Variants in ATAD2 observed in about 807,000 individuals in gnomAD.
ATAD2 encodes ATPase family AAA domain containing 2.
ATAD2 carries 62 observed loss-of-function variants against 168.9 expected under a neutral mutation model. That is an observed-to-expected ratio of 0.37 (90% confidence interval 0.30 to 0.45). The LOEUF is 0.45. Among genes scored for constraint, ATAD2 ranks in the 20% least tolerant of loss-of-function variants. The pLI is 1.00. For missense variants in ATAD2, 1,419 were observed against 1,667.8 expected, an observed-to-expected ratio of 0.85 and a Z score of 2.60; for synonymous variants, 613 against 571.6, an observed-to-expected ratio of 1.07 and a Z score of -1.03.
intron 7 of ATAD2, 30 bp from the exon 8 acceptor site, chr8:123,369,205 G>GTA (rs5894661): frequency 0.032 from 19,238 of 610,714 alleles, 203 homozygotes; most frequent in African/African-American, 0.11. Context: ...ATATATATTT[G>GTA]TATATATATA....
At chr8:123,342,389 AT>A (rs1025640490) in intron 19 of ATAD2, 9 of 152,210 alleles carry the variant, frequency 5.9e-5, no homozygotes, top group African/African-American at 2.2e-4. Flanking sequence ...TGGGAAATGA[AT>A]GGAGATTAAG....
chr8:123,336,661 T>G (rs1336934473), intron 21 of ATAD2, 129 bp from the exon 22 acceptor site: 1 of 701,090 alleles, frequency 1.4e-6, no homozygotes, highest in African/African-American at 1.9e-5. Context: ...ATATTTAACA[T>G]AAAACCTTTC....
chr8:123,399,852 C>A (rs1190967831), upstream of ATAD2, among the ~76,000 whole-genome samples: 1 of 147,794 alleles, frequency 6.8e-6, no homozygotes, highest in Non-Finnish European at 1.5e-5. Flanking sequence ...GAAACTCCAT[C>A]TCAAAAAAAG....
chr8:123,371,739 C>T lies in ATAD2; in HGVS notation c.467G>A (p.Arg156Gln), dbSNP rs1829155392. 3.7e-6 allele frequency: 6 copies of T among 1,613,498 alleles called. No individual in the cohort carries two copies. The highest frequency in any genetic ancestry group is 1.7e-5 in the Admixed American group (1 of 59,878). ...ATAACGACTTCTAATCCTACAACTT[C>T]GACGCACTTCAACATCACCATTATC... ...HEDNGDVEVR[R>Q]SCRIRSRYSG... The change falls in exon 4 of 28, where the codon CGA becomes CAA. Residue 156 changes from arginine to glutamine, a missense_variant. Physicochemically the swap from Arg to Gln is conservative, Grantham distance 43. Around this residue, in one of 5 missense-constraint regions of ATAD2, gnomAD observed 419 missense variants for 423.5 expected, o/e 0.99. Transcript: ENST00000287394.
rs1287630744 is a variant in ATAD2 at position 123,327,291 on chromosome 8, C to A, written c.3868+899G>T. Among the ~76,000 whole-genome samples the A allele has an allele frequency of 2.0e-5, 3 of 152,092 alleles. No homozygotes were observed. In the East Asian group the frequency reaches 5.8e-4, roughly 29 times the overall value. Reference sequence around the variant, plus strand: ...GACTTCCTGATATCGAAGCAAGTACCTGTACTGCTAAATAGTATTCTTTTT... The same window carrying A: ...GACTTCCTGATATCGAAGCAAGTACATGTACTGCTAAATAGTATTCTTTTT... On this transcript the variant is annotated intron_variant, in intron 25 of 27. Transcript: ENST00000287394.
In ATAD2 at chr8:123,344,994, C is replaced by A. The variant is rs747520069; in HGVS notation, c.2608G>T (p.Gly870Ter). 6.2e-7 allele frequency: 1 copy of A among 1,613,840 alleles called. No individual in the cohort carries two copies. Among genetic ancestry groups the A allele is most frequent in the Non-Finnish European group, 8.5e-7 (1 of 1,179,910 alleles). ...GTAAATGTGGCTTTAAGTGTCGGTC[C>A]AACTATTTCCCACCACACGTGGATA... Reference protein sequence around the residue: ...PHIHVWWEIVGPTLKATFTTL... With the variant: ...PHIHVWWEIV The change falls in exon 19 of 28, where the codon GGA becomes TGA. Residue 870 changes from glycine (G) to a stop codon, truncating the protein, a stop_gained. Coordinates refer to ENST00000287394, the MANE Select transcript of ATAD2 (RefSeq NM_014109.4). LOFTEE classifies it high-confidence loss of function.
chr8:123,346,942 T>C, intron 16 of ATAD2, 150 bp downstream of exon 16: 2 of 1,070,094 alleles, frequency 1.9e-6, no homozygotes, highest in South Asian at 3.5e-5. Flanking sequence ...GGGCAATCCA[T>C]GGAGTAAATT....
chr8:123,354,272 A>T (rs2131348905), intron 13 of ATAD2, among the ~76,000 whole-genome samples: 1 of 152,362 alleles, frequency 6.6e-6, no homozygotes, highest in South Asian at 2.1e-4. Flanking sequence ...ACTAAAATTA[A>T]GTGCAGAATA....
chr8:123,389,148 T>TG lies in ATAD2; in HGVS notation c.171+7038_171+7039insC, dbSNP rs1249613941. Among the ~76,000 whole-genome samples, 421 of 147,980 alleles carry TG rather than the reference T, an allele frequency of 2.8e-3. 3 individuals carry two copies. Among genetic ancestry groups the TG allele is most frequent in the African/African-American group, 9.0e-3 (364 of 40,618 alleles). ...CGCCCGGCTAATTTTTTTTTTTTTT[T>TG]TGTATTTTTAGTAGAAATGTGGTTT... On this transcript the variant is annotated intron_variant, in intron 1 of 27. Coordinates refer to ENST00000287394, the MANE Select transcript of ATAD2 (RefSeq NM_014109.4).
At chr8:123,343,942 G>A (rs1325090759) in intron 19 of ATAD2, among the ~76,000 whole-genome samples, 2 of 152,294 alleles carry the variant, frequency 1.3e-5, no homozygotes, top group Admixed American at 1.3e-4. Context: ...CCAGGCAGAA[G>A]CAGTATGGCC....
chr8:123,346,480 G>C (rs1001836744), intron 17 of ATAD2, 138 bp downstream of exon 17: 11 of 1,058,322 alleles, frequency 1.0e-5, no homozygotes, highest in South Asian at 2.0e-5. Context: ...TGTGACAACT[G>C]TAACAACAAA....
intron 19 of ATAD2, among the ~76,000 whole-genome samples, chr8:123,341,384 G>A (rs1828057398): frequency 1.3e-5 from 2 of 152,090 alleles, no homozygotes; most frequent in Non-Finnish European, 2.9e-5. Context: ...GTTACCCGGA[G>A]CATAAAGCCA....
At chr8:123,379,911 A>G (rs1829444875) in intron 2 of ATAD2, among the ~76,000 whole-genome samples, 2 of 131,956 alleles carry the variant, frequency 1.5e-5, no homozygotes, top group African/African-American at 5.6e-5. Flanking sequence ...TTTGAGACTG[A>G]GTTTCGCTCT....
chr8:123,368,403 G>A (rs940479028), intron 8 of ATAD2, among the ~76,000 whole-genome samples: 1 of 152,072 alleles, frequency 6.6e-6, no homozygotes, highest in Non-Finnish European at 1.5e-5. Flanking sequence ...GGGGAACACA[G>A]CAAGACTCTG....
intron 8 of ATAD2, among the ~76,000 whole-genome samples, chr8:123,362,663 G>A (rs1054313171): frequency 3.3e-5 from 5 of 151,724 alleles, no homozygotes; most frequent in Admixed American, 6.6e-5. Context: ...TGATCCGCCC[G>A]CCTCAGCCTC....
intron 14 of ATAD2, 81 bp downstream of exon 14, chr8:123,349,204 C>A: frequency 7.1e-7 from 1 of 1,410,598 alleles, no homozygotes; most frequent in South Asian, 1.4e-5. Context: ...TCAAGAATCT[C>A]CAAATTTTTA....
At chr8:123,388,136 A>G (rs966285738) in intron 1 of ATAD2, among the ~76,000 whole-genome samples, 1 of 152,178 alleles carries the variant, frequency 6.6e-6, no homozygotes, top group East Asian at 1.9e-4. Context: ...ACTGTCTCCC[A>G]ATAGCTACAT....
chr8:123,357,873 G>A (rs533842613), intron 11 of ATAD2, 137 bp from the exon 12 acceptor site: 16 of 787,040 alleles, frequency 2.0e-5, no homozygotes, highest in South Asian at 4.5e-5. Flanking sequence ...GTACAGTTTC[G>A]CACCACAAAG....
At position 123,346,760 on chromosome 8, in the gene ATAD2, C is replaced by A; in HGVS notation, c.2213-10G>T. 6.4e-7 allele frequency: 1 copy of A among 1,571,920 alleles called. No individual in the cohort carries two copies. Among genetic ancestry groups the A allele is most frequent in the Admixed American group, 2.0e-5 (1 of 48,858 alleles). ...AGAGGACAAGAAATATCTATAAAAC[C>A]AAAAAATTGTACATTAGTAACTTTT... On this transcript the variant is annotated splice_polypyrimidine_tract_variant and intron_variant, in intron 16 of 27. Transcript: ENST00000287394.
Sources: gnomAD v4.1 joint callset for allele counts (sites outside exome capture counted in the v4.1 genomes callset) on GRCh38, gnomAD v4.1.1 for gene constraint, gnomAD v4.1.1 regional missense constraint, MANE v1.5 for transcripts, NCBI Gene and HGNC (gene_info 2026-07-23, HGNC 2026-07-21) for gene names.